Variants in TCF12 observed in about 807,000 individuals in gnomAD.
TCF12 encodes transcription factor 12.
In TCF12, 45 loss-of-function variants were observed where a neutral mutation model predicts 86.0. The ratio of observed to expected loss-of-function variants is 0.52; its 90% CI spans 0.41 to 0.67. TCF12 has a LOEUF of 0.67. Ranked by LOEUF, TCF12 falls within the 30% of genes least tolerant of loss-of-function variation. The pLI is 0.00. For synonymous variants in TCF12, 330 were observed against 299.6 expected, an observed-to-expected ratio of 1.10 and a Z score of -1.05; for missense variants, 881 against 859.9, an observed-to-expected ratio of 1.02 and a Z score of -0.31.
At chr15:57,182,122 C>G (rs2056391916) in intron 6 of TCF12, among the ~76,000 whole-genome samples, 1 of 152,054 alleles carries the variant, frequency 6.6e-6, no homozygotes, top group Non-Finnish European at 1.5e-5. Flanking sequence ...GTTCTGTATT[C>G]TTTTTGCCGG....
chr15:57,271,665 C>T (rs1251720326), intron 18 of TCF12, among the ~76,000 whole-genome samples: 2 of 152,206 alleles, frequency 1.3e-5, no homozygotes, highest in Non-Finnish European at 2.9e-5. Flanking sequence ...CACCCATCTT[C>T]TTCTTCGATC....
chr15:57,169,120 CAAAGAATCCTGT>C (rs1412433178), intron 6 of TCF12, among the ~76,000 whole-genome samples: 1 of 152,156 alleles, frequency 6.6e-6, no homozygotes, highest in Non-Finnish European at 1.5e-5. Context: ...AAAGTAACTA[CAAAGAATCCTGT>C]AGGTTTAAGC....
chr15:57,262,051 C>T lies in TCF12; in HGVS notation c.1468-43C>T, dbSNP rs73417432. ...AATTTGGACAGTTATTGCCTCTGAACTATCTTAATCTTTTTTTATTTTTGG... is the reference window on the plus strand; with the variant it reads ...AATTTGGACAGTTATTGCCTCTGAATTATCTTAATCTTTTTTTATTTTTGG... On this transcript the variant is annotated intron_variant, in intron 16 of 20. Coordinates refer to ENST00000333725, the MANE Select transcript of TCF12 (RefSeq NM_207037.2). 137 of 1,353,278 alleles carry T rather than the reference C, an allele frequency of 1.0e-4. No individual in the cohort carries two copies. In the African/African-American group the frequency reaches 1.8e-3, roughly 18 times the overall value. 83.8% of individuals were successfully genotyped at this position (1,353,278 alleles called of 1,614,324 possible). A position where few individuals can be genotyped will look rare whatever the true frequency, so the allele number is the denominator to read the frequency against.
intron 19 of TCF12, among the ~76,000 whole-genome samples, chr15:57,279,189 T>G (rs1299168606): frequency 6.9e-6 from 1 of 145,176 alleles, no homozygotes; most frequent in East Asian, 2.0e-4. Context: ...AGACAGGGTC[T>G]CACTTTGTTG....
chr15:57,228,477 T>C (rs2058987598), intron 8 of TCF12, among the ~76,000 whole-genome samples: 1 of 152,014 alleles, frequency 6.6e-6, no homozygotes, highest in African/African-American at 2.4e-5. Context: ...GTTTTCAAAA[T>C]CTGTTTGAAA....
intron 3 of TCF12, among the ~76,000 whole-genome samples, chr15:56,922,245 A>G (rs1237530782): frequency 1.3e-5 from 2 of 151,996 alleles, no homozygotes; most frequent in African/African-American, 2.4e-5. Context: ...GAACCTTCAG[A>G]TTTACTTTGA....
At chr15:56,942,914 A>G (rs2060842034) in intron 3 of TCF12, among the ~76,000 whole-genome samples, 1 of 152,182 alleles carries the variant, frequency 6.6e-6, no homozygotes, top group African/African-American at 2.4e-5. Flanking sequence ...AGAAAGTGTC[A>G]AATTTAAAAA....
intron 12 of TCF12, among the ~76,000 whole-genome samples, chr15:57,241,532 C>G (rs1238589831): frequency 6.6e-6 from 1 of 152,106 alleles, no homozygotes; most frequent in African/African-American, 2.4e-5. Flanking sequence ...TATACAGTGT[C>G]TAGATCCTGA....
chr15:57,113,319 A>G (rs2050622957), intron 5 of TCF12, among the ~76,000 whole-genome samples: 1 of 152,112 alleles, frequency 6.6e-6, no homozygotes, highest in Non-Finnish European at 1.5e-5. Flanking sequence ...TATTTCCTTA[A>G]TGATCTGTGC....
At chr15:57,037,356 G>A (rs1236794413) in intron 3 of TCF12, among the ~76,000 whole-genome samples, 7 of 152,014 alleles carry the variant, frequency 4.6e-5, no homozygotes, top group South Asian at 2.1e-4. Flanking sequence ...CAGGAGAATC[G>A]CTTGAACCCA....
intron 4 of TCF12, among the ~76,000 whole-genome samples, chr15:57,068,295 G>A: frequency 6.6e-6 from 1 of 152,124 alleles, no homozygotes; most frequent in Non-Finnish European, 1.5e-5. Context: ...TGCTATATAA[G>A]TGTTGGCTTT....
At chr15:57,172,259 T>A (rs1406053435) in intron 6 of TCF12, among the ~76,000 whole-genome samples, 3 of 152,108 alleles carry the variant, frequency 2.0e-5, no homozygotes, top group African/African-American at 7.2e-5. Context: ...ATTGATAGAA[T>A]TAAAGAGAGA....
chr15:57,076,385 C>T lies in TCF12; in HGVS notation c.222+12562C>T, dbSNP rs887771295. On this transcript the variant is annotated intron_variant, in intron 4 of 20. Transcript: ENST00000333725. ...AGAAAGGAATAGAATAGGCCGGGCA[C>T]GGTGGCTCACACCTGTAATCCCAGC... Among the ~76,000 whole-genome samples the T allele has an allele frequency of 9.2e-5, 14 of 152,130 alleles. No homozygotes were observed. In the South Asian group the frequency reaches 2.5e-3, roughly 27 times the overall value.
At chr15:57,067,525 C>T (rs1337932107) in intron 4 of TCF12, among the ~76,000 whole-genome samples, 2 of 106,430 alleles carry the variant, frequency 1.9e-5, no homozygotes, top group Middle Eastern at 0.01. Context: ...GGCGACAGAG[C>T]GAGACTCCGT....
At chr15:56,994,076 G>A (rs1188994951) in intron 3 of TCF12, among the ~76,000 whole-genome samples, 1 of 152,046 alleles carries the variant, frequency 6.6e-6, no homozygotes, top group Non-Finnish European at 1.5e-5. Flanking sequence ...TGTTAGAACT[G>A]AAAAATACAA....
At chr15:57,054,779 T>G (rs2067879437) in intron 3 of TCF12, among the ~76,000 whole-genome samples, 1 of 129,624 alleles carries the variant, frequency 7.7e-6, no homozygotes, top group Non-Finnish European at 1.6e-5. Flanking sequence ...TCTGCTTTTT[T>G]TTTTTTTTTT....
At chr15:57,046,930 T>C (rs2067268211) in intron 3 of TCF12, among the ~76,000 whole-genome samples, 2 of 152,192 alleles carry the variant, frequency 1.3e-5, no homozygotes, top group South Asian at 4.1e-4. Flanking sequence ...ATTTTACCCA[T>C]CTTTTCCCCA....
chr15:57,119,119 A>AGTCTC (rs2051043967), intron 5 of TCF12, among the ~76,000 whole-genome samples: 1 of 151,818 alleles, frequency 6.6e-6, no homozygotes, highest in African/African-American at 2.4e-5. Context: ...TTTGTGACGG[A>AGTCTC]GTCTCACTCT....
Position 57,030,271 on chromosome 15 carries a change from C to T in TCF12, c.149-33479C>T, listed in dbSNP as rs532423068. On this transcript the variant is annotated intron_variant, in intron 3 of 20. Coordinates refer to ENST00000333725, the MANE Select transcript of TCF12 (RefSeq NM_207037.2). Reference sequence around the variant, plus strand: ...ATTGATTAATTGAATCATGGTCTTGCGCTGTCACTGAGGCAGGAGTGCAGT... The same window carrying T: ...ATTGATTAATTGAATCATGGTCTTGTGCTGTCACTGAGGCAGGAGTGCAGT... Among the ~76,000 whole-genome samples, 125 of 152,202 alleles carry T rather than the reference C, an allele frequency of 8.2e-4. 2 individuals are homozygous for T. In the South Asian group the frequency reaches 0.022, roughly 27 times the overall value.
Sources: gnomAD v4.1 joint callset for allele counts (sites outside exome capture counted in the v4.1 genomes callset) on GRCh38, gnomAD v4.1.1 for gene constraint, MANE v1.5 for transcripts, NCBI Gene and HGNC (gene_info 2026-07-23, HGNC 2026-07-21) for gene names.